Variants in ELP2 observed in about 807,000 individuals in gnomAD.
ELP2 encodes elongator acetyltransferase complex subunit 2.
Under a neutral mutation model 119.2 loss-of-function variants are expected in ELP2, and 90 were observed. The observed-to-expected ratio is 0.75, with a 90% confidence interval of 0.64 to 0.90. The LOEUF (loss-of-function observed/expected upper bound fraction) is 0.90. ELP2 is among the 40% of genes least tolerant of loss of function. The pLI is 0.00. For synonymous variants in ELP2, 339 were observed against 331.0 expected (o/e 1.02, Z -0.26); for missense variants, 921 against 967.8 (o/e 0.95, Z 0.64).
At position 36,180,284 on chromosome 18, in the gene ELP2, C is replaced by T. The variant is rs1277988155; in HGVS notation, c.*5643C>T. ...CCCATACTATTTTGCTTAATCTCCT[C>T]GGGCAGAATTTAGTGTTGTGGCCAT... On this transcript the variant is annotated 3_prime_UTR_variant, in exon 22 of 22. Transcript: ENST00000358232. 2.0e-5 allele frequency: 3 copies of T among 152,192 alleles called. No homozygotes were observed. The highest frequency in any genetic ancestry group is 1.9e-4 in the East Asian group (1 of 5,202). The allele number at this position is 152,192 out of a possible 1,614,324, so 9.4% of individuals were successfully genotyped here.
At chr18:36,140,392 G>C (rs1190270520) in intron 5 of ELP2, among the ~76,000 whole-genome samples, 2 of 152,144 alleles carry the variant, frequency 1.3e-5, no homozygotes, top group African/African-American at 4.8e-5. Flanking sequence ...CGTCGCCCAG[G>C]CTGGAGTGCA....
At chr18:36,165,243 T>G (rs2090860222) in intron 18 of ELP2, 1 of 151,728 alleles carries the variant, frequency 6.6e-6, no homozygotes, top group Non-Finnish European at 1.5e-5. Flanking sequence ...TTAGCCCACC[T>G]ACCCACATTC....
chr18:36,154,799 G>C (rs773431159), intron 11 of ELP2, 51 bp from the exon 12 acceptor site: 1 of 1,608,264 alleles, frequency 6.2e-7, no homozygotes, highest in South Asian at 1.1e-5. Flanking sequence ...GCTTTACTTT[G>C]GTGGTAGTCT....
chr18:36,143,130 T>A (rs1170506836), intron 8 of ELP2, among the ~76,000 whole-genome samples, 164 bp downstream of exon 8: 4 of 151,978 alleles, frequency 2.6e-5, no homozygotes, highest in African/African-American at 9.7e-5. Flanking sequence ...GAGTTTTGCT[T>A]CTTCACCTCG....
At chr18:36,139,702 G>T in intron 5 of ELP2, 2 of 1,197,564 alleles carry the variant, frequency 1.7e-6, no homozygotes, top group South Asian at 1.6e-5. Flanking sequence ...CACATTGGTG[G>T]CAAGGCATGT....
At chr18:36,169,388 C>CT (rs34958735) in intron 19 of ELP2, among the ~76,000 whole-genome samples, 46 of 140,630 alleles carry the variant, frequency 3.3e-4, no homozygotes, top group South Asian at 2.8e-3. Context: ...CTGATAAGTT[C>CT]TTTTTTTTTT....
chr18:36,142,189 C>T (rs762767520), intron 6 of ELP2, 92 bp from the exon 7 acceptor site: 80 of 988,312 alleles, frequency 8.1e-5, no homozygotes, highest in East Asian at 2.9e-4. Flanking sequence ...AAAAGAGCAA[C>T]GCAGTAGGAC....
Position 36,129,920 on chromosome 18 carries a change from G to A in ELP2, c.-14G>A, listed in dbSNP as rs774498559. 33 of 1,614,098 alleles carry A rather than the reference G, an allele frequency of 2.0e-5. No homozygotes were observed. The South Asian group carries it at 3.5e-4, about 17-fold the overall frequency. On this transcript the variant is annotated 5_prime_UTR_variant, in exon 1 of 22. Coordinates refer to ENST00000358232, the MANE Select transcript of ELP2 (RefSeq NM_018255.4). The stretch of plus-strand genomic sequence containing the variant: ...GTGCGCGTCTCTTGTTTGTGCGGCT[G>A]ACCAGTTGGCGACATGGTGGCACCC...
rs2090510214 is a variant in ELP2, at chr18:36,154,836, C to T, written c.1126-14C>T. ...TGAGTATTTTGATATGTGATATGAG[C>T]ACTTCCATTGCAGAGAGAGTGGACT... On this transcript the variant is annotated splice_polypyrimidine_tract_variant and intron_variant, in intron 11 of 21. Coordinates refer to ENST00000358232, the MANE Select transcript of ELP2 (RefSeq NM_018255.4). 6.2e-7 allele frequency: 1 copy of T among 1,613,836 alleles called. No homozygotes were observed.
chr18:36,173,542 T>C (rs553700877), intron 21 of ELP2, among the ~76,000 whole-genome samples: 7 of 152,356 alleles, frequency 4.6e-5, no homozygotes, highest in African/African-American at 1.7e-4. Flanking sequence ...TTCTCTAGAA[T>C]AATTTCAGAA....
intron 2 of ELP2, among the ~76,000 whole-genome samples, chr18:36,136,020 G>A (rs892768722): frequency 4.6e-5 from 7 of 152,152 alleles, no homozygotes; most frequent in Non-Finnish European, 8.8e-5. Flanking sequence ...TGTGATAATT[G>A]TATTGAGGTA....
intron 6 of ELP2, among the ~76,000 whole-genome samples, chr18:36,141,666 A>G (rs2090033084): frequency 6.6e-6 from 1 of 151,568 alleles, no homozygotes; most frequent in African/African-American, 2.4e-5. Flanking sequence ...AAGGTTAAAA[A>G]TGGTTGTGAA....
At position 36,174,596 on chromosome 18, in the gene ELP2, A is replaced by G; in HGVS notation, c.2436A>G (p.Glu812=). 2 of 1,614,228 alleles carry G rather than the reference A, an allele frequency of 1.2e-6. No individual in the cohort carries two copies. Among genetic ancestry groups the G allele is most frequent in the African/African-American group, 2.7e-5 (2 of 75,070 alleles). Residue 812 remains glutamate (E), a synonymous_variant, in exon 22 of 22, where the codon GAA becomes GAG. Coordinates refer to ENST00000358232, the MANE Select transcript of ELP2 (RefSeq NM_018255.4). ...GGTTACACTTTGCAAGCTGTGGTGAAGATCACACTGTGAAGATACACAGAG... is the reference window on the plus strand; with the variant it reads ...GGTTACACTTTGCAAGCTGTGGTGAGGATCACACTGTGAAGATACACAGAG... ...AEWLHFASCG[E]DHTVKIHRVN...
At chr18:36,166,245 A>G (rs2090891711) in intron 18 of ELP2, among the ~76,000 whole-genome samples, 2 of 148,346 alleles carry the variant, frequency 1.3e-5, no homozygotes, top group Admixed American at 6.8e-5. Context: ...TTATATCTTT[A>G]TGGATTATGG....
Position 36,142,891 on chromosome 18 carries a change from A to G in ELP2, c.721A>G (p.Lys241Glu). 6.2e-7 allele frequency: 1 copy of G among 1,603,436 alleles called. No individual in the cohort carries two copies. Among genetic ancestry groups the G allele is most frequent in the Non-Finnish European group, 8.5e-7 (1 of 1,171,442 alleles). ...GATAAGAATATGGAAGCTGTATATA[A>G]AGTCAACATCTTTAGAAACTCAGGA... ...CLIRIWKLYI[K>E]STSLETQDDD... The change falls in exon 8 of 22, where the codon AAG (lysine) becomes GAG (glutamate). Residue 241 changes from lysine to glutamate, a missense_variant. Transcript: ENST00000358232.
At chr18:36,169,922 C>A in intron 19 of ELP2, 141 bp from the exon 20 acceptor site, 2 of 1,084,042 alleles carry the variant, frequency 1.8e-6, no homozygotes, top group Non-Finnish European at 2.7e-6. Context: ...CAAGTCCTGG[C>A]ACACCATACA....
intron 21 of ELP2, among the ~76,000 whole-genome samples, chr18:36,171,883 A>AT (rs1170958924): frequency 2.6e-5 from 4 of 151,812 alleles, no homozygotes; most frequent in Non-Finnish European, 4.4e-5. Flanking sequence ...TGCCAGGCTA[A>AT]TTTTTTTTGT....
chr18:36,169,860 G>A (rs1479203322), intron 19 of ELP2: 8 of 640,344 alleles, frequency 1.2e-5, no homozygotes, highest in African/African-American at 1.8e-5. Context: ...GTGAGCTCTC[G>A]GAGACGCATG....
chr18:36,149,678 G>A (rs1182912305), intron 11 of ELP2, among the ~76,000 whole-genome samples: 5 of 151,870 alleles, frequency 3.3e-5, no homozygotes, highest in East Asian at 3.9e-4. Flanking sequence ...GGTAAGAACC[G>A]CATAGTCATA....
Sources: allele counts gnomAD v4.1 joint callset (sites outside exome capture counted in the v4.1 genomes callset), GRCh38; gene constraint gnomAD v4.1.1; transcripts MANE v1.5; gene names NCBI Gene and HGNC (gene_info 2026-07-23, HGNC 2026-07-21).